DZANK1: variants seen among roughly 807,000 people sequenced by gnomAD.
DZANK1 encodes the protein double zinc ribbon and ankyrin repeat-containing protein 1.
Under a neutral mutation model 94.5 loss-of-function variants are expected in DZANK1, and 91 were observed. The ratio of observed to expected loss-of-function variants is 0.96; its 90% CI spans 0.81 to 1.15. The LOEUF (loss-of-function observed/expected upper bound fraction) is 1.15. Ranked by LOEUF, DZANK1 falls within the 50% of genes most tolerant of loss-of-function variation. DZANK1 has a pLI of 0.00. For synonymous variants in DZANK1, 312 were observed against 325.3 expected (o/e 0.96, Z 0.44); for missense variants, 903 against 916.4 (o/e 0.99, Z 0.19).
intron 13 of DZANK1, among the ~76,000 whole-genome samples, chr20:18,405,229 T>C (rs1454455949): frequency 6.6e-6 from 1 of 152,008 alleles, no homozygotes; most frequent in African/African-American, 2.4e-5. Flanking sequence ...AAGGAAGAAT[T>C]CTTCCTGAAA....
chr20:18,463,506 A>G (rs894361469), intron 2 of DZANK1, among the ~76,000 whole-genome samples: 1 of 88,294 alleles, frequency 1.1e-5, no homozygotes, highest in Non-Finnish European at 2.1e-5. Flanking sequence ...TGTAAAAGAA[A>G]AAACAAAAAA....
chr20:18,452,752 T>G lies in DZANK1; in HGVS notation c.476-70A>C. 1 of 1,546,124 alleles carries G rather than the reference T, an allele frequency of 6.5e-7. No homozygotes were observed. Among genetic ancestry groups the G allele is most frequent in the Non-Finnish European group, 8.7e-7 (1 of 1,146,562 alleles). ...CCTACCTGGACGTCTACAATGATAT[T>G]AAAAACATTATTCTTTGAGCATCTG... On this transcript the variant is annotated intron_variant, in intron 5 of 20. Coordinates refer to ENST00000262547, the Ensembl canonical transcript of DZANK1.
chr20:18,398,350 T>C, intron 14 of DZANK1, 173 bp downstream of exon 14: 1 of 599,370 alleles, frequency 1.7e-6, no homozygotes, highest in Non-Finnish European at 3.0e-6. Context: ...AATATTCATG[T>C]GCAAGTGATT....
chr20:18,404,105 T>C (rs1000985425), intron 13 of DZANK1, among the ~76,000 whole-genome samples: 2 of 152,042 alleles, frequency 1.3e-5, no homozygotes, highest in Non-Finnish European at 2.9e-5. Context: ...ATTCTTAAAC[T>C]TTCTTAGAAC....
At chr20:18,452,068 GT>G (rs1300749580) in intron 6 of DZANK1, 3 of 249,008 alleles carry the variant, frequency 1.2e-5, no homozygotes, top group Non-Finnish European at 2.1e-5. Flanking sequence ...TCATTTAGGG[GT>G]GGTTTTTTTT....
chr20:18,415,220 G>A (rs2057432826), intron 11 of DZANK1, 107 bp downstream of exon 11: 7 of 1,214,240 alleles, frequency 5.8e-6, no homozygotes, highest in African/African-American at 4.7e-5. Flanking sequence ...TACCAGTAGC[G>A]AAATCACAAG....
At chr20:18,448,882 A>C in intron 7 of DZANK1, 102 bp downstream of exon 7, 1 of 972,630 alleles carries the variant, frequency 1.0e-6, no homozygotes, top group Non-Finnish European at 1.5e-6. Context: ...AAAAAAAAAA[A>C]AAAAGTTGGA....
At position 18,403,607 on chromosome 20, in the gene DZANK1, C is replaced by T. The variant is rs919777536; in HGVS notation, c.1433-4981G>A. 3.3e-5 allele frequency among the ~76,000 whole-genome samples: 5 copies of T among 152,218 alleles called. 1 individual carries two copies. Among genetic ancestry groups the T allele is most frequent in the Admixed American group, 3.3e-4 (5 of 15,300 alleles). On this transcript the variant is annotated intron_variant, in intron 13 of 20. Coordinates refer to ENST00000262547, the Ensembl canonical transcript of DZANK1. ...AGAGATGTGAGCTAAATAGGCCAGC[C>T]AGTTTACTCAGATCAGAGAAATAAA...
chr20:18,402,249 T>C (rs1174545184), intron 13 of DZANK1, among the ~76,000 whole-genome samples: 2 of 152,082 alleles, frequency 1.3e-5, no homozygotes, highest in Non-Finnish European at 2.9e-5. Context: ...AAACTTTCTC[T>C]AAAATAACAA....
At chr20:18,399,041 G>A (rs979750658) in intron 13 of DZANK1, among the ~76,000 whole-genome samples, 4 of 150,728 alleles carry the variant, frequency 2.7e-5, no homozygotes, top group Non-Finnish European at 4.4e-5. Flanking sequence ...CAGGAGAATC[G>A]CTTGAACACA....
At chr20:18,396,694 C>A in intron 14 of DZANK1, 148 bp from the exon 15 acceptor site, 3 of 540,898 alleles carry the variant, frequency 5.5e-6, no homozygotes, top group Non-Finnish European at 6.4e-6. Flanking sequence ...AAAAACAGAG[C>A]AACAAAAACT....
intron 15 of DZANK1, chr20:18,394,627 T>C (rs1282169078): frequency 1.6e-6 from 1 of 616,406 alleles, no homozygotes; most frequent in Non-Finnish European, 3.1e-6. Flanking sequence ...CACAATAGCC[T>C]TTCAACAGGG....
intron 13 of DZANK1, among the ~76,000 whole-genome samples, chr20:18,407,172 C>T (rs1422865652): frequency 1.3e-5 from 2 of 152,202 alleles, no homozygotes; most frequent in Admixed American, 1.3e-4. Flanking sequence ...GCTATACTGG[C>T]TTCAGGTATG....
chr20:18,432,961 T>C (rs985378948), intron 9 of DZANK1: 1 of 152,234 alleles, frequency 6.6e-6, no homozygotes, highest in Non-Finnish European at 1.5e-5. Context: ...AGTCATTCTT[T>C]TTCTCCATAA....
At chr20:18,460,432 T>C (rs2059435759) in intron 2 of DZANK1, 126 bp from the exon 3 acceptor site, 1 of 798,502 alleles carries the variant, frequency 1.3e-6, no homozygotes, top group Admixed American at 3.3e-5. Flanking sequence ...TAAGTTAAGA[T>C]TTAAAGTTGT....
At chr20:18,416,292 A>G (rs923882936) in intron 10 of DZANK1, among the ~76,000 whole-genome samples, 1 of 152,302 alleles carries the variant, frequency 6.6e-6, no homozygotes, top group East Asian at 1.9e-4. Context: ...GGAGTTTCAG[A>G]CGATTACCCA....
intron 10 of DZANK1, among the ~76,000 whole-genome samples, chr20:18,423,900 C>A: frequency 7.2e-6 from 1 of 138,582 alleles, no homozygotes. Context: ...CAGATTAAAC[C>A]CAAAGAAAAG....
exon 15 of DZANK1, chr20:18,396,531 C>T (rs1471565741): frequency 1.9e-6 from 3 of 1,613,252 alleles, no homozygotes; most frequent in African/African-American, 1.3e-5. Flanking sequence ...TCTTCGTGGA[C>T]AGTAGCAGAG....
At chr20:18,456,522 T>C (rs2059297383) in intron 3 of DZANK1, among the ~76,000 whole-genome samples, 1 of 152,208 alleles carries the variant, frequency 6.6e-6, no homozygotes, top group African/African-American at 2.4e-5. Context: ...ACAGTGGAAA[T>C]ATTTAGGACA....
Sources: allele counts gnomAD v4.1 joint callset (sites outside exome capture counted in the v4.1 genomes callset), GRCh38; gene constraint gnomAD v4.1.1; transcripts MANE v1.5; gene names NCBI Gene and HGNC (gene_info 2026-07-23, HGNC 2026-07-21).